Variants in RBBP8 observed in about 807,000 individuals in gnomAD.
RBBP8 encodes DNA endonuclease RBBP8.
Under a neutral mutation model 108.3 loss-of-function variants are expected in RBBP8, and 88 were observed. The ratio of observed to expected loss-of-function variants is 0.81; its 90% confidence interval spans 0.68 to 0.97. RBBP8 has a LOEUF of 0.97. Ranked by LOEUF, RBBP8 falls within the 50% of genes least tolerant of loss-of-function variation. The pLI, the probability that RBBP8 is intolerant of heterozygous loss-of-function variation, is 0.00. For missense variants in RBBP8, 1,023 were observed against 1,049.0 expected (o/e 0.98, Z 0.34); for synonymous variants, 332 against 348.2 (o/e 0.95, Z 0.52).
intron 12 of RBBP8, among the ~76,000 whole-genome samples, 167 bp downstream of exon 12, chr18:22,994,014 CTTTT>C (rs777055614): frequency 1.3e-5 from 1 of 75,104 alleles, no homozygotes; most frequent in South Asian, 5.8e-4. Context: ...TTTTTCTGTT[CTTTT>C]TTTTTTTTTT....
At chr18:23,022,029 T>A (rs1207321590) in intron 17 of RBBP8, 100 bp from the exon 18 acceptor site, 9 of 938,744 alleles carry the variant, frequency 9.6e-6, no homozygotes, top group Admixed American at 1.8e-5. Flanking sequence ...CTGCTGAATA[T>A]CTTAGTAAAT....
intron 2 of RBBP8, chr18:22,916,863 G>A (rs1215527868): frequency 2.0e-5 from 3 of 152,102 alleles, no homozygotes; most frequent in East Asian, 3.9e-4. Context: ...ATATATTTTT[G>A]TATTATTTTA....
At chr18:22,937,491 T>A (rs1163606859) in intron 2 of RBBP8, among the ~76,000 whole-genome samples, 3 of 151,864 alleles carry the variant, frequency 2.0e-5, no homozygotes, top group Admixed American at 6.5e-5. Context: ...ATATCTTTTT[T>A]TTTTTTTTAT....
At chr18:22,964,458 C>T (rs575128046) in intron 4 of RBBP8, among the ~76,000 whole-genome samples, 1 of 149,850 alleles carries the variant, frequency 6.7e-6, no homozygotes, top group Admixed American at 6.7e-5. Flanking sequence ...TGCCTCAAAT[C>T]CCCTCCTGCG....
intron 8 of RBBP8, among the ~76,000 whole-genome samples, chr18:22,985,738 G>T (rs1336506249): frequency 6.6e-6 from 1 of 152,082 alleles, no homozygotes; most frequent in Non-Finnish European, 1.5e-5. Context: ...CAACATTCAG[G>T]TAGAGTTTGG....
In RBBP8 at chr18:22,986,290, A is replaced by G. The variant is rs532971912; in HGVS notation, c.709+1300A>G. On this transcript the variant is annotated intron_variant, in intron 8 of 18. Coordinates refer to ENST00000327155, the MANE Select transcript of RBBP8 (RefSeq NM_002894.3). ...GAAGAGGTGATCAACTGTGTTTAAC[A>G]ATGCTAATAAGTCAAGTAAGATGAA... 7.9e-5 allele frequency among the ~76,000 whole-genome samples: 12 copies of G among 152,342 alleles called. No individual in the cohort carries two copies. The South Asian group carries it at 2.5e-3, about 32-fold the overall frequency.
At position 22,924,137 on chromosome 18, in the gene RBBP8, T is replaced by TTTG. The variant is rs1343494766; in HGVS notation, c.-153-5244_-153-5243insGTT. On this transcript the variant is annotated intron_variant, in intron 3 of 4. Coordinates refer to the RBBP8 transcript ENST00000577588. ...GTTAGTTTGTTTTTGGTTTTTTTTT[T>TTTG]TTTTTTTTTTGAGACGGAGTCTCAC... 9.8e-5 allele frequency among the ~76,000 whole-genome samples: 14 copies of TTTG among 143,446 alleles called. No individual in the cohort carries two copies. In the South Asian group the frequency reaches 1.4e-3, roughly 14 times the overall value. The allele number at this position is 143,446 out of a possible 152,430, so 94.1% of individuals were successfully genotyped here. A position where few individuals can be genotyped will look rare whatever the true frequency, so the allele number is the denominator to read the frequency against.
chr18:23,005,249 A>G (rs2046020836), intron 15 of RBBP8, among the ~76,000 whole-genome samples: 2 of 152,180 alleles, frequency 1.3e-5, no homozygotes, highest in South Asian at 2.1e-4. Context: ...ATTAACAACA[A>G]TATATGTTCT....
chr18:22,962,138 T>C (rs971121656), intron 4 of RBBP8, among the ~76,000 whole-genome samples: 3 of 152,192 alleles, frequency 2.0e-5, no homozygotes, highest in Admixed American at 6.5e-5. Context: ...TGCCCATTGG[T>C]CCTAGTTTTA....
intron 1 of RBBP8, 200 bp downstream of exon 1, chr18:22,933,764 T>C (rs1428156994): frequency 6.6e-6 from 1 of 151,962 alleles, no homozygotes; most frequent in Non-Finnish European, 1.5e-5. Flanking sequence ...ACCTCAGTAC[T>C]ACTTCTGGGT....
At chr18:23,022,917 T>TC (rs1187696789) in intron 18 of RBBP8, among the ~76,000 whole-genome samples, 1 of 151,550 alleles carries the variant, frequency 6.6e-6, no homozygotes, top group Non-Finnish European at 1.5e-5. Context: ...GATTTTTTTT[T>TC]TTATAGGGCT....
At chr18:22,959,875 T>TTC (rs1034560511) in intron 4 of RBBP8, among the ~76,000 whole-genome samples, 8 of 145,890 alleles carry the variant, frequency 5.5e-5, no homozygotes, top group Non-Finnish European at 1.2e-4. Flanking sequence ...ACTTTCTTTT[T>TTC]TTTTTTTTTT....
intron 5 of RBBP8, among the ~76,000 whole-genome samples, chr18:22,974,550 G>A (rs1914360742): frequency 6.6e-6 from 1 of 152,058 alleles, no homozygotes; most frequent in Non-Finnish European, 1.5e-5. Context: ...CAACCTCAGC[G>A]TCCTAGGTTC....
At chr18:22,973,840 C>T (rs1359459728) in intron 5 of RBBP8, among the ~76,000 whole-genome samples, 1 of 152,118 alleles carries the variant, frequency 6.6e-6, no homozygotes, top group East Asian at 1.9e-4. Context: ...ACCTCTTTCT[C>T]CTTGGAAATT....
At chr18:22,943,439 A>G (rs771595165) in intron 2 of RBBP8, among the ~76,000 whole-genome samples, 5 of 151,918 alleles carry the variant, frequency 3.3e-5, no homozygotes, top group Admixed American at 2.0e-4. Context: ...TGTCTCAAAA[A>G]TAATAATAAT....
At chr18:23,017,394 C>T (rs1003863707) in intron 17 of RBBP8, among the ~76,000 whole-genome samples, 9 of 151,246 alleles carry the variant, frequency 6.0e-5, no homozygotes, top group African/African-American at 1.9e-4. Context: ...TGGCTCACAC[C>T]TGTAATCCCA....
At chr18:22,965,049 A>G (rs1466213243) in intron 4 of RBBP8, among the ~76,000 whole-genome samples, 5 of 152,048 alleles carry the variant, frequency 3.3e-5, no homozygotes, top group Non-Finnish European at 7.4e-5. Flanking sequence ...CTTATACATC[A>G]TTTGACTTAA....
intron 14 of RBBP8, among the ~76,000 whole-genome samples, chr18:22,999,038 A>G (rs770879398): frequency 2.0e-5 from 3 of 152,218 alleles, no homozygotes; most frequent in East Asian, 3.8e-4. Flanking sequence ...AATCTAAAGT[A>G]TGACCACTTT....
chr18:22,956,096 T>A (rs557178307), intron 4 of RBBP8, among the ~76,000 whole-genome samples: 1 of 150,762 alleles, frequency 6.6e-6, no homozygotes, highest in Admixed American at 6.6e-5. Flanking sequence ...CCTTGGAAGG[T>A]TTTTTTTTCG....
Sources: gnomAD v4.1 joint callset for allele counts (sites outside exome capture counted in the v4.1 genomes callset) on GRCh38, gnomAD v4.1.1 for gene constraint, MANE v1.5 for transcripts, NCBI Gene and HGNC (gene_info 2026-07-23, HGNC 2026-07-21) for gene names.